The following PIGH variants were observed in gnomAD, a reference collection of about 807,000 sequenced individuals.
The protein encoded by PIGH is phosphatidylinositol glycan anchor biosynthesis class H, also known as phosphatidylinositol N-acetylglucosaminyltransferase subunit H.
PIGH carries 11 observed loss-of-function variants against 20.1 expected under a neutral mutation model. That is an observed-to-expected ratio of 0.55 (90% CI 0.34 to 0.91). PIGH has a LOEUF of 0.91. Ranked by LOEUF, PIGH falls within the 40% of genes least tolerant of loss-of-function variation. PIGH has a pLI of 0.02. For synonymous variants in PIGH, 72 were observed against 93.1 expected, an observed-to-expected ratio of 0.77 and a Z score of 1.31; for missense variants, 189 against 233.6, an observed-to-expected ratio of 0.81 and a Z score of 1.24.
rs1356101552 is a variant in PIGH at position 67,590,061 on chromosome 14, G to C, written c.*19C>G. 1 of 1,545,070 alleles carries C rather than the reference G, an allele frequency of 6.5e-7. No individual in the cohort carries two copies. Among genetic ancestry groups the C allele is most frequent in the Admixed American group, 2.0e-5 (1 of 49,606 alleles). Reference sequence around the variant, plus strand: ...TCATCTCCCATGGAAGACAATGCTGGCCTTCTGAACGCTGGGGCTCATGGG... The same window carrying C: ...TCATCTCCCATGGAAGACAATGCTGCCCTTCTGAACGCTGGGGCTCATGGG... On this transcript the variant is annotated 3_prime_UTR_variant, in exon 4 of 4. Transcript: ENST00000216452.
intron 1 of PIGH, among the ~76,000 whole-genome samples, chr14:67,596,749 A>G (rs2036482809): frequency 6.6e-6 from 1 of 152,174 alleles, no homozygotes; most frequent in Non-Finnish European, 1.5e-5. Context: ...AATCCTGTCA[A>G]GTCAATTTAG....
intron 1 of PIGH, 60 bp from the exon 2 acceptor site, chr14:67,594,012 CA>C: frequency 3.6e-6 from 4 of 1,113,556 alleles, no homozygotes; most frequent in Non-Finnish European, 5.4e-6. Flanking sequence ...CAACTCCAGG[CA>C]ATGAGGGGAA....
chr14:67,596,225 T>A (rs2036471038), intron 1 of PIGH, among the ~76,000 whole-genome samples: 1 of 151,378 alleles, frequency 6.6e-6, no homozygotes, highest in Non-Finnish European at 1.5e-5. Flanking sequence ...ACCTCCCGGG[T>A]TCAAGTGATT....
chr14:67,592,668 T>A lies in PIGH; in HGVS notation c.441A>T (p.Pro147=), dbSNP rs557026077. The A allele has an allele frequency of 1.2e-5, 19 of 1,608,998 alleles. No homozygotes were observed. In the South Asian group the frequency reaches 1.7e-4, roughly 14 times the overall value. The change falls in exon 3 of 4, where the codon CCA becomes CCT. Residue 147 remains proline, a synonymous_variant. Transcript: ENST00000216452. ...CGGGTACTACTTGGGATATCCCATG[T>A]GGTTCCACTGGATCTTTCAATAAGA... The part of the protein sequence containing the change: ...LCILLKDPVE[P]HGISQVVPVF...
intron 3 of PIGH, among the ~76,000 whole-genome samples, chr14:67,590,931 CAAG>C (rs1355188283): frequency 6.6e-6 from 1 of 152,036 alleles, no homozygotes; most frequent in Non-Finnish European, 1.5e-5. Context: ...CCCTCAAACA[CAAG>C]AAGTGCAGTT....
At position 67,589,442 on chromosome 14, in the gene PIGH, G is replaced by A. The variant is rs1566774064; in HGVS notation, c.*638C>T. ...CTTTTGAACTGATATAAAAAAAAAT[G>A]CTGAGTAACAGAAAAGTATTAATGT... On this transcript the variant is annotated 3_prime_UTR_variant, in exon 4 of 4. Coordinates refer to ENST00000216452, the MANE Select transcript of PIGH (RefSeq NM_004569.5). 1 of 985,160 alleles carries A rather than the reference G, an allele frequency of 1.0e-6. No individual in the cohort carries two copies. The highest frequency in any genetic ancestry group is 1.2e-6 in the Non-Finnish European group (1 of 829,714). 61.0% of individuals were successfully genotyped at this position (985,160 alleles called of 1,614,324 possible).
chr14:67,590,046 T>C lies in PIGH; in HGVS notation c.*34A>G. On this transcript the variant is annotated 3_prime_UTR_variant, in exon 4 of 4. Coordinates refer to ENST00000216452, the MANE Select transcript of PIGH (RefSeq NM_004569.5). ...CCTATGGCTTAAGAGTCATCTCCCA[T>C]GGAAGACAATGCTGGCCTTCTGAAC... 6.5e-7 allele frequency: 1 copy of C among 1,541,406 alleles called. No individual in the cohort carries two copies. The highest frequency in any genetic ancestry group is 8.7e-7 in the Non-Finnish European group (1 of 1,143,378).
intron 3 of PIGH, 76 bp from the exon 4 acceptor site, chr14:67,590,248 A>ATT: frequency 1.7e-6 from 2 of 1,178,334 alleles, no homozygotes; most frequent in Non-Finnish European, 2.3e-6. Context: ...TCCACTTGCA[A>ATT]ATTTTTTTTT....
chr14:67,595,127 A>G (rs944789058), intron 1 of PIGH, among the ~76,000 whole-genome samples: 8 of 133,478 alleles, frequency 6.0e-5, no homozygotes, highest in African/African-American at 2.1e-4. Flanking sequence ...ACAGAGCGAG[A>G]CTCCGTCTAA....
At position 67,590,051 on chromosome 14, in the gene PIGH, G is replaced by A. The variant is rs2036322945; in HGVS notation, c.*29C>T. 6.5e-7 allele frequency: 1 copy of A among 1,542,222 alleles called. No individual in the cohort carries two copies. Among genetic ancestry groups the A allele is most frequent in the South Asian group, 1.2e-5 (1 of 82,946 alleles). ...GGCTTAAGAGTCATCTCCCATGGAA[G>A]ACAATGCTGGCCTTCTGAACGCTGG... On this transcript the variant is annotated 3_prime_UTR_variant, in exon 4 of 4. Transcript: ENST00000216452.
At chr14:67,593,677 G>T in intron 2 of PIGH, 66 bp downstream of exon 2, 2 of 889,480 alleles carry the variant, frequency 2.2e-6, no homozygotes, top group Non-Finnish European at 3.8e-6. Flanking sequence ...TTTAAATCTG[G>T]GAACATCCCA....
chr14:67,596,058 G>C (rs1244439536), intron 1 of PIGH, among the ~76,000 whole-genome samples: 2 of 152,152 alleles, frequency 1.3e-5, no homozygotes, highest in Non-Finnish European at 2.9e-5. Context: ...CATTTCTGAA[G>C]TTAAAATGTG....
intron 1 of PIGH, among the ~76,000 whole-genome samples, chr14:67,598,298 T>A (rs1410728661): frequency 6.6e-6 from 1 of 152,002 alleles, no homozygotes. Flanking sequence ...GTAAGCAGAG[T>A]ACACCGGCAT....
intron 3 of PIGH, chr14:67,592,354 T>C (rs1429592803): frequency 2.2e-6 from 1 of 447,644 alleles, no homozygotes; most frequent in Admixed American, 3.5e-5. Context: ...GCAGGAGGAT[T>C]TCTTGAGCCT....
At position 67,600,063 on chromosome 14, in the gene PIGH, C is replaced by A. The variant is rs10134513; in HGVS notation, c.141G>T (p.Thr47=). 10,348 of 1,590,072 alleles carry A rather than the reference C, an allele frequency of 6.5e-3. 314 individuals carry two copies. The African/African-American group carries it at 0.087, about 13-fold the overall frequency. Residue 47 remains threonine, a synonymous_variant, in exon 1 of 4, where the codon ACG becomes ACT. Transcript: ENST00000216452. ...SLRSLTAVTC[T]VWLAAYGLFT... Reference sequence around the variant, plus strand: ...AGAGTCCGTAGGCCGCCAGCCACACCGTGCAGGTGACAGCGGTGAGCGAAC... The same window carrying A: ...AGAGTCCGTAGGCCGCCAGCCACACAGTGCAGGTGACAGCGGTGAGCGAAC...
At chr14:67,591,835 A>T (rs908848992) in intron 3 of PIGH, 1 of 151,470 alleles carries the variant, frequency 6.6e-6, no homozygotes, top group Non-Finnish European at 1.5e-5. Flanking sequence ...GCACCAGCTG[A>T]TAAGTGTTTT....
chr14:67,599,326 C>G (rs2036530624), intron 1 of PIGH, among the ~76,000 whole-genome samples: 1 of 152,180 alleles, frequency 6.6e-6, no homozygotes, highest in African/African-American at 2.4e-5. Context: ...CTCACAATAT[C>G]ATGAAGCTGG....
chr14:67,596,782 A>C (rs2140638077), intron 1 of PIGH, among the ~76,000 whole-genome samples: 1 of 152,226 alleles, frequency 6.6e-6, no homozygotes, highest in African/African-American at 2.4e-5. Flanking sequence ...CTTGCCCCTG[A>C]TGTTTCCTTT....
At position 67,590,163 on chromosome 14, in the gene PIGH, G is replaced by A. The variant is rs984163657; in HGVS notation, c.484C>T (p.Pro162Ser). 1 of 1,550,544 alleles carries A rather than the reference G, an allele frequency of 6.4e-7. No individual in the cohort carries two copies. Among genetic ancestry groups the A allele is most frequent in the Admixed American group, 2.0e-5 (1 of 50,910 alleles). The change falls in exon 4 of 4, where the codon CCC (proline) becomes TCC (serine). Residue 162 changes from proline to serine, a missense_variant. Coordinates refer to ENST00000216452, the MANE Select transcript of PIGH (RefSeq NM_004569.5). Reference sequence around the variant, plus strand: ...ACTTCAATCAAGCAGTCCAGCCGGGGCTTGGCACTCTGAATTCCAAAGGGG... The same window carrying A: ...ACTTCAATCAAGCAGTCCAGCCGGGACTTGGCACTCTGAATTCCAAAGGGG... Reference protein sequence around the residue: ...QVVPVFQSAKPRLDCLIEVYR... With the variant: ...QVVPVFQSAKSRLDCLIEVYR...
Sources: gnomAD v4.1 joint callset for allele counts (sites outside exome capture counted in the v4.1 genomes callset) on GRCh38, gnomAD v4.1.1 for gene constraint, MANE v1.5 for transcripts, NCBI Gene and HGNC (gene_info 2026-07-23, HGNC 2026-07-21) for gene names.